Variants in LRMDA observed in about 807,000 individuals in gnomAD.
LRMDA encodes the protein leucine-rich melanocyte differentiation-associated protein.
LRMDA carries 18 observed loss-of-function variants against 29.8 expected under a neutral mutation model. That is an observed-to-expected ratio of 0.60 (90% CI 0.42 to 0.90). LRMDA has a LOEUF of 0.90. Ranked by LOEUF, LRMDA falls within the 40% of genes least tolerant of loss-of-function variation. LRMDA has a pLI of 0.00. For synonymous variants in LRMDA, 125 were observed against 109.4 expected (o/e 1.14, Z -0.89); for missense variants, 273 against 273.9 (o/e 1.00, Z 0.02).
rs192532414 is a variant in LRMDA, at chr10:75,782,792, G to A, written c.132-253216G>A. On this transcript the variant is annotated intron_variant, in intron 2 of 6. Coordinates refer to ENST00000611255, the MANE Select transcript of LRMDA (RefSeq NM_001305581.2). ...GAAAGAGGATCTGGCTGAAAGACCC[G>A]CAACTTTCACTTGTTGAGAACCTTT... 2.0e-5 allele frequency: 28 copies of A among 1,416,822 alleles called. No individual in the cohort carries two copies. In the Middle Eastern group the frequency reaches 1.4e-3, roughly 72 times the overall value. The allele number at this position is 1,416,822 out of a possible 1,614,324, so 87.8% of individuals were successfully genotyped here. A position where few individuals can be genotyped will look rare whatever the true frequency, so the allele number is the denominator to read the frequency against.
intron 6 of LRMDA, among the ~76,000 whole-genome samples, chr10:76,359,087 C>A (rs1205380031): frequency 6.6e-6 from 1 of 152,128 alleles, no homozygotes; most frequent in African/African-American, 2.4e-5. Context: ...AGCCACAGAA[C>A]ACAGTGCAGG....
At chr10:75,547,283 G>C (rs1840091395) in intron 2 of LRMDA, among the ~76,000 whole-genome samples, 1 of 152,152 alleles carries the variant, frequency 6.6e-6, no homozygotes, top group South Asian at 2.1e-4. Flanking sequence ...CCACTTGTAG[G>C]GTTATTTTAG....
chr10:76,202,005 A>T (rs945989448), intron 5 of LRMDA, among the ~76,000 whole-genome samples: 1 of 151,826 alleles, frequency 6.6e-6, no homozygotes, highest in African/African-American at 2.4e-5. Context: ...GTCTCTCTTC[A>T]TGTGGCCTTT....
chr10:76,519,884 G>T (rs1215125694), intron 6 of LRMDA, among the ~76,000 whole-genome samples: 2 of 152,054 alleles, frequency 1.3e-5, no homozygotes, highest in Non-Finnish European at 2.9e-5. Context: ...TAATCCTTCA[G>T]CTGTCATAGA....
At chr10:75,976,661 C>T (rs978259817) in intron 2 of LRMDA, among the ~76,000 whole-genome samples, 1 of 152,188 alleles carries the variant, frequency 6.6e-6, no homozygotes, top group Non-Finnish European at 1.5e-5. Context: ...GTCCCAAGCC[C>T]TTCACATATA....
chr10:76,245,819 A>G lies in LRMDA; in HGVS notation c.517-78582A>G, dbSNP rs1197720608. 2.0e-5 allele frequency among the ~76,000 whole-genome samples: 3 copies of G among 152,174 alleles called. No individual in the cohort carries two copies. In the South Asian group the frequency reaches 6.2e-4, roughly 31 times the overall value. On this transcript the variant is annotated intron_variant, in intron 5 of 6. Transcript: ENST00000611255. ...GACTGATGGAAAGTAGCAGTGGAGG[A>G]GGGGAGGATGGGGATAAAGACAACT...
rs181658866 is a variant in LRMDA, at chr10:75,830,239, G to A, written c.132-205769G>A. Among the ~76,000 whole-genome samples the A allele has an allele frequency of 2.4e-3, 367 of 152,284 alleles. 1 individual carries two copies. The highest frequency in any genetic ancestry group is 8.4e-3 in the African/African-American group (349 of 41,556). On this transcript the variant is annotated intron_variant, in intron 2 of 6. Coordinates refer to ENST00000611255, the MANE Select transcript of LRMDA (RefSeq NM_001305581.2). ...AGCAGATGCTCAGGAGGTAGAGATG[G>A]TCATTTCGCATTATTCTGCTGGACT...
chr10:76,250,953 G>A (rs1411301485), intron 5 of LRMDA, among the ~76,000 whole-genome samples: 1 of 152,126 alleles, frequency 6.6e-6, no homozygotes, highest in East Asian at 1.9e-4. Context: ...TTGTGCCTGG[G>A]GGAGGAAGAG....
At chr10:75,712,281 T>C (rs1842445059) in intron 2 of LRMDA, among the ~76,000 whole-genome samples, 2 of 152,100 alleles carry the variant, frequency 1.3e-5, no homozygotes, top group African/African-American at 2.4e-5. Context: ...CTCTCTTCCA[T>C]TCCCCTCGAT....
intron 2 of LRMDA, among the ~76,000 whole-genome samples, chr10:75,914,746 G>A (rs1325315343): frequency 6.6e-6 from 1 of 152,084 alleles, no homozygotes; most frequent in East Asian, 1.9e-4. Flanking sequence ...TGTGTATTTG[G>A]TTTCTTAATT....
chr10:76,359,825 T>A (rs573495010), intron 6 of LRMDA, among the ~76,000 whole-genome samples: 20 of 152,254 alleles, frequency 1.3e-4, no homozygotes, highest in Non-Finnish European at 2.5e-4. Flanking sequence ...CAATTTTGGA[T>A]AATAATAGAA....
intron 5 of LRMDA, among the ~76,000 whole-genome samples, chr10:76,203,349 C>A (rs987215849): frequency 2.0e-5 from 3 of 152,146 alleles, no homozygotes; most frequent in African/African-American, 7.2e-5. Context: ...ACTGTGTTGC[C>A]CAGGCTGCTC....
At chr10:76,531,395 T>C (rs1352997363) in intron 6 of LRMDA, among the ~76,000 whole-genome samples, 2 of 152,202 alleles carry the variant, frequency 1.3e-5, no homozygotes, top group Non-Finnish European at 2.9e-5. Flanking sequence ...ATTAAGTCTT[T>C]TGATACTAAA....
intron 2 of LRMDA, among the ~76,000 whole-genome samples, chr10:75,712,089 C>T (rs926529195): frequency 6.6e-6 from 1 of 152,102 alleles, no homozygotes; most frequent in African/African-American, 2.4e-5. Context: ...TACAGCTTAT[C>T]AACCCTTAAT....
intron 6 of LRMDA, among the ~76,000 whole-genome samples, chr10:76,503,194 C>T (rs1172824638): frequency 6.6e-6 from 1 of 151,906 alleles, no homozygotes; most frequent in Non-Finnish European, 1.5e-5. Flanking sequence ...TGATGGATCA[C>T]ATTTATTGAT....
chr10:75,771,108 C>T (rs1334386799), intron 2 of LRMDA, among the ~76,000 whole-genome samples: 1 of 152,122 alleles, frequency 6.6e-6, no homozygotes, highest in Non-Finnish European at 1.5e-5. Context: ...TGACCTTAAT[C>T]AGGCTCTTCC....
Position 75,617,286 on chromosome 10 carries a change from G to A in LRMDA, c.131+178792G>A, listed in dbSNP as rs112643703. Among the ~76,000 whole-genome samples, 18 of 152,224 alleles carry A rather than the reference G, an allele frequency of 1.2e-4. 1 individual carries two copies. The highest frequency in any genetic ancestry group is 4.1e-4 in the African/African-American group (17 of 41,514). ...TGGCAGCATAAGGGCACATAGGGAC[G>A]GCTGCCAAGGTTTCCCATTTACAAC... On this transcript the variant is annotated intron_variant, in intron 2 of 6. Coordinates refer to ENST00000611255, the MANE Select transcript of LRMDA (RefSeq NM_001305581.2).
intron 2 of LRMDA, among the ~76,000 whole-genome samples, chr10:75,910,059 G>T (rs1845819053): frequency 6.6e-6 from 1 of 152,172 alleles, no homozygotes; most frequent in African/African-American, 2.4e-5. Flanking sequence ...CGTGTTTATA[G>T]AGAAATGTAT....
At chr10:76,137,370 G>A (rs913501791) in intron 5 of LRMDA, among the ~76,000 whole-genome samples, 5 of 152,172 alleles carry the variant, frequency 3.3e-5, no homozygotes, top group African/African-American at 7.2e-5. Context: ...AATCTCACTT[G>A]ATGAGGTCTT....
Sources: gnomAD v4.1 joint callset for allele counts (sites outside exome capture counted in the v4.1 genomes callset) on GRCh38, gnomAD v4.1.1 for gene constraint, MANE v1.5 for transcripts, NCBI Gene and HGNC (gene_info 2026-07-23, HGNC 2026-07-21) for gene names.